The following CDK14 variants were observed in gnomAD, a reference collection of about 807,000 sequenced individuals.
CDK14 encodes the protein cyclin dependent kinase 14.
A neutral mutation model predicts 60.7 loss-of-function variants in CDK14; 34 were observed. The observed-to-expected ratio is 0.56, with a 90% CI of 0.43 to 0.75. The LOEUF (loss-of-function observed/expected upper bound fraction) is 0.75, where lower values mean the gene tolerates loss of function less well. Ranked by LOEUF, CDK14 falls within the 30% of genes least tolerant of loss-of-function variation. The pLI is 0.00. For missense variants in CDK14, 482 were observed against 564.1 expected, an observed-to-expected ratio of 0.85 and a Z score of 1.47; for synonymous variants, 197 against 203.7, an observed-to-expected ratio of 0.97 and a Z score of 0.28.
chr7:90,728,456 A>G (rs192008874), intron 3 of CDK14, among the ~76,000 whole-genome samples: 1 of 151,240 alleles, frequency 6.6e-6, no homozygotes, highest in African/African-American at 2.4e-5. Context: ...TAACCCTTCA[A>G]TTGGATTTTT....
intron 10 of CDK14, among the ~76,000 whole-genome samples, chr7:91,000,607 A>G (rs1345846045): frequency 1.3e-5 from 2 of 152,248 alleles, no homozygotes; most frequent in Non-Finnish European, 2.9e-5. Context: ...CACATAACCC[A>G]GGCTGCTCTT....
At chr7:90,656,147 C>T (rs1395406445) in intron 2 of CDK14, among the ~76,000 whole-genome samples, 2 of 152,178 alleles carry the variant, frequency 1.3e-5, no homozygotes, top group African/African-American at 4.8e-5. Context: ...GCCAAATGCT[C>T]ATCCTTTTCT....
At chr7:91,010,813 CT>C in intron 10 of CDK14, among the ~76,000 whole-genome samples, 2 of 99,886 alleles carry the variant, frequency 2.0e-5, no homozygotes, top group African/African-American at 8.3e-5. Context: ...TCCTTCCTTC[CT>C]TCCTTCCTTC....
At chr7:90,698,358 C>T (rs1467976862) in intron 2 of CDK14, among the ~76,000 whole-genome samples, 1 of 152,044 alleles carries the variant, frequency 6.6e-6, no homozygotes, top group Non-Finnish European at 1.5e-5. Flanking sequence ...GGTTGTGACA[C>T]TTTATGCTAC....
At chr7:91,076,444 C>CAT (rs1745397634) in intron 11 of CDK14, among the ~76,000 whole-genome samples, 1 of 151,888 alleles carries the variant, frequency 6.6e-6, no homozygotes, top group South Asian at 2.1e-4. Flanking sequence ...ACTGGCTAGC[C>CAT]ATATGCAGAA....
At position 91,081,126 on chromosome 7, in the gene CDK14, T is replaced by C. The variant is rs150857341; in HGVS notation, c.1154+1646T>C. 3.5e-4 allele frequency among the ~76,000 whole-genome samples: 54 copies of C among 152,308 alleles called. 1 individual carries two copies. In the East Asian group the frequency reaches 0.01, roughly 28 times the overall value. ...AAAATGCTACTTTCTGGTATTCCAG[T>C]ATTAAGTGCTGAATCTTTAGAGCCA... On this transcript the variant is annotated intron_variant, in intron 12 of 14. Transcript: ENST00000380050.
chr7:90,848,867 A>G (rs1790553930), intron 5 of CDK14, among the ~76,000 whole-genome samples: 1 of 152,204 alleles, frequency 6.6e-6, no homozygotes. Context: ...TAAATAATTG[A>G]AAATTGATAT....
intron 1 of CDK14, among the ~76,000 whole-genome samples, chr7:90,602,503 A>G (rs527550261): frequency 6.6e-6 from 1 of 152,350 alleles, no homozygotes; most frequent in East Asian, 1.9e-4. Context: ...GGGTTGAGGG[A>G]GTAGACAGTA....
intron 2 of CDK14, among the ~76,000 whole-genome samples, chr7:90,674,949 T>C (rs1216407729): frequency 6.6e-6 from 1 of 152,230 alleles, no homozygotes; most frequent in Non-Finnish European, 1.5e-5. Flanking sequence ...TGGTGTAGAA[T>C]AAGATCTAAA....
At chr7:91,136,958 T>G (rs1364736754) in intron 14 of CDK14, among the ~76,000 whole-genome samples, 3 of 152,208 alleles carry the variant, frequency 2.0e-5, no homozygotes, top group African/African-American at 4.8e-5. Flanking sequence ...AGAAAAGTTA[T>G]GCCCTCTTCA....
chr7:90,739,307 G>A (rs187721886), intron 3 of CDK14, among the ~76,000 whole-genome samples: 14 of 152,258 alleles, frequency 9.2e-5, no homozygotes, highest in East Asian at 1.9e-4. Flanking sequence ...GAATACAACC[G>A]TAGCAGTTAA....
At chr7:91,004,381 T>A (rs1795923568) in intron 10 of CDK14, among the ~76,000 whole-genome samples, 1 of 152,174 alleles carries the variant, frequency 6.6e-6, no homozygotes, top group African/African-American at 2.4e-5. Flanking sequence ...TTAGATGAAA[T>A]GGACAAGTTC....
intron 6 of CDK14, among the ~76,000 whole-genome samples, chr7:90,878,745 C>G (rs1212431570): frequency 1.3e-5 from 2 of 152,130 alleles, no homozygotes; most frequent in Non-Finnish European, 2.9e-5. Context: ...TGTAGTATAG[C>G]AAGAATTTCT....
At chr7:90,675,638 A>C (rs1345884241) in intron 2 of CDK14, among the ~76,000 whole-genome samples, 1 of 152,210 alleles carries the variant, frequency 6.6e-6, no homozygotes, top group Non-Finnish European at 1.5e-5. Context: ...ACATCTATGT[A>C]TTAATAATTT....
chr7:90,849,566 G>T (rs1268757590), intron 5 of CDK14, among the ~76,000 whole-genome samples: 1 of 151,968 alleles, frequency 6.6e-6, no homozygotes. Context: ...TAAGAGCTCT[G>T]CGCTCTTGGG....
intron 8 of CDK14, among the ~76,000 whole-genome samples, chr7:90,940,566 A>G (rs183196862): frequency 3.8e-4 from 58 of 152,260 alleles, no homozygotes; most frequent in African/African-American, 1.3e-3. Context: ...CAGGTGGATC[A>G]CTTGAGTCCA....
At chr7:90,865,248 G>C (rs1452682716) in intron 6 of CDK14, among the ~76,000 whole-genome samples, 3 of 152,120 alleles carry the variant, frequency 2.0e-5, no homozygotes, top group Non-Finnish European at 4.4e-5. Context: ...AACCGCTTCA[G>C]TTTGTAGAAA....
chr7:91,089,630 T>A (rs554120367), intron 12 of CDK14, among the ~76,000 whole-genome samples: 19 of 151,200 alleles, frequency 1.3e-4, no homozygotes, highest in African/African-American at 4.6e-4. Context: ...CGCAGCTATA[T>A]ATATATTTTC....
chr7:90,614,924 T>C (rs1311646754), intron 2 of CDK14, among the ~76,000 whole-genome samples: 1 of 152,212 alleles, frequency 6.6e-6, no homozygotes, highest in Non-Finnish European at 1.5e-5. Flanking sequence ...TATGGAAAAT[T>C]ATTTTACAGT....
Sources: gnomAD v4.1 joint callset for allele counts (sites outside exome capture counted in the v4.1 genomes callset) on GRCh38, gnomAD v4.1.1 for gene constraint, MANE v1.5 for transcripts, NCBI Gene and HGNC (gene_info 2026-07-23, HGNC 2026-07-21) for gene names.